MBD5: variants seen among roughly 807,000 people sequenced by gnomAD.
The protein encoded by MBD5 is methyl-CpG-binding domain protein 5.
MBD5 carries 13 observed loss-of-function variants against 117.3 expected under a neutral mutation model. That is an observed-to-expected ratio of 0.11 (90% CI 0.07 to 0.18). The LOEUF (loss-of-function observed/expected upper bound fraction) is 0.18. MBD5 is among the 10% of genes least tolerant of loss of function. The pLI is 1.00. For missense variants in MBD5, 1,879 were observed against 2,093.8 expected, an observed-to-expected ratio of 0.90 and a Z score of 2.00; for synonymous variants, 727 against 766.4, an observed-to-expected ratio of 0.95 and a Z score of 0.85.
At chr2:148,360,873 G>T (rs1703512271) in intron 4 of MBD5, among the ~76,000 whole-genome samples, 1 of 152,062 alleles carries the variant, frequency 6.6e-6, no homozygotes, top group Admixed American at 6.6e-5. Flanking sequence ...CAGTTAAAAT[G>T]CACATATAAT....
intron 1 of MBD5, among the ~76,000 whole-genome samples, chr2:148,105,007 A>G (rs1173575964): frequency 6.6e-6 from 1 of 152,140 alleles, no homozygotes; most frequent in African/African-American, 2.4e-5. Flanking sequence ...ATCTGTGGGT[A>G]GATATTTACT....
At chr2:148,443,238 G>T (rs1451349156) in intron 4 of MBD5, among the ~76,000 whole-genome samples, 1 of 151,016 alleles carries the variant, frequency 6.6e-6, no homozygotes, top group African/African-American at 2.5e-5. Context: ...CAAAAGTCAG[G>T]CAATGAATGC....
At chr2:148,158,767 T>G (rs988549840) in intron 1 of MBD5, among the ~76,000 whole-genome samples, 1 of 152,268 alleles carries the variant, frequency 6.6e-6, no homozygotes, top group African/African-American at 2.4e-5. Context: ...TCTGCCAGGC[T>G]GGAGTGCAGT....
At chr2:148,175,498 G>A (rs1332140625) in intron 1 of MBD5, among the ~76,000 whole-genome samples, 1 of 152,092 alleles carries the variant, frequency 6.6e-6, no homozygotes, top group African/African-American at 2.4e-5. Flanking sequence ...AGCTAAGTGG[G>A]GCTTAGTAAT....
At chr2:148,455,016 C>G (rs1706841505) in intron 4 of MBD5, among the ~76,000 whole-genome samples, 1 of 152,020 alleles carries the variant, frequency 6.6e-6, no homozygotes, top group African/African-American at 2.4e-5. Flanking sequence ...TGTTTGTATC[C>G]TCGCCTATTT....
At chr2:148,098,214 T>C (rs1696116636) in intron 1 of MBD5, among the ~76,000 whole-genome samples, 1 of 152,020 alleles carries the variant, frequency 6.6e-6, no homozygotes, top group African/African-American at 2.4e-5. Context: ...TAAGCAATGG[T>C]GGTGGCCTGT....
At chr2:148,419,082 T>C (rs952969376) in intron 4 of MBD5, among the ~76,000 whole-genome samples, 1 of 152,116 alleles carries the variant, frequency 6.6e-6, no homozygotes, top group Non-Finnish European at 1.5e-5. Context: ...ACCAAGTACT[T>C]ACAACCAATT....
At chr2:148,426,245 C>A (rs2105305416) in intron 4 of MBD5, among the ~76,000 whole-genome samples, 1 of 152,254 alleles carries the variant, frequency 6.6e-6, no homozygotes. Flanking sequence ...TTTATAGATT[C>A]AATGCCATCC....
chr2:148,478,442 G>C (rs540507476), intron 8 of MBD5, among the ~76,000 whole-genome samples: 24 of 152,124 alleles, frequency 1.6e-4, no homozygotes, highest in African/African-American at 5.3e-4. Flanking sequence ...AGTTAGCCGG[G>C]CGTGCCTCAG....
intron 4 of MBD5, among the ~76,000 whole-genome samples, chr2:148,451,719 C>T (rs1287764627): frequency 6.6e-6 from 1 of 152,014 alleles, no homozygotes; most frequent in East Asian, 1.9e-4. Flanking sequence ...GGAATATAAA[C>T]ATAAAGGCGG....
At chr2:148,109,644 C>T (rs374345962) in intron 1 of MBD5, among the ~76,000 whole-genome samples, 1 of 152,090 alleles carries the variant, frequency 6.6e-6, no homozygotes, top group African/African-American at 2.4e-5. Flanking sequence ...TATCCAAGCT[C>T]ATCAAATTGT....
chr2:148,150,829 A>G (rs1179667693), intron 1 of MBD5, among the ~76,000 whole-genome samples: 1 of 152,170 alleles, frequency 6.6e-6, no homozygotes, highest in African/African-American at 2.4e-5. Context: ...TATCAGCTTA[A>G]GGAGATTTTG....
At chr2:148,324,854 A>G (rs1196812273) in intron 3 of MBD5, among the ~76,000 whole-genome samples, 1 of 152,142 alleles carries the variant, frequency 6.6e-6, no homozygotes, top group African/African-American at 2.4e-5. Context: ...TGCCCTGGCC[A>G]GAACTTCCAA....
At chr2:148,039,828 G>T (rs1694304878) in intron 1 of MBD5, among the ~76,000 whole-genome samples, 2 of 131,520 alleles carry the variant, frequency 1.5e-5, no homozygotes, top group Admixed American at 1.6e-4. Context: ...AACCACAAGG[G>T]TACTGGCCAG....
intron 2 of MBD5, among the ~76,000 whole-genome samples, chr2:148,200,076 A>G (rs553860424): frequency 6.6e-6 from 1 of 152,248 alleles, no homozygotes; most frequent in African/African-American, 2.4e-5. Flanking sequence ...TTTTGACTAT[A>G]TTGATAGTTT....
intron 6 of MBD5, 94 bp from the exon 7 acceptor site, chr2:148,463,645 C>A: frequency 7.0e-7 from 1 of 1,427,888 alleles, no homozygotes; most frequent in Non-Finnish European, 9.8e-7. Flanking sequence ...AGATTTATGG[C>A]TTAATCTATG....
intron 1 of MBD5, among the ~76,000 whole-genome samples, chr2:148,162,431 C>G (rs1698028078): frequency 6.6e-6 from 1 of 152,176 alleles, no homozygotes; most frequent in East Asian, 1.9e-4. Flanking sequence ...CACATTTAGG[C>G]TGATGTTAAT....
At chr2:148,052,671 G>T (rs893354981) in intron 1 of MBD5, among the ~76,000 whole-genome samples, 2 of 151,602 alleles carry the variant, frequency 1.3e-5, no homozygotes, top group Non-Finnish European at 2.9e-5. Flanking sequence ...GATTATTTAG[G>T]AGTATGTTGT....
At chr2:148,162,524 A>G (rs756308690) in intron 1 of MBD5, among the ~76,000 whole-genome samples, 28 of 152,198 alleles carry the variant, frequency 1.8e-4, no homozygotes, top group East Asian at 3.8e-4. Flanking sequence ...GTTTGAATTT[A>G]TTTGAGATTT....
Sources: allele counts gnomAD v4.1 joint callset (sites outside exome capture counted in the v4.1 genomes callset), GRCh38; gene constraint gnomAD v4.1.1; transcripts MANE v1.5; gene names NCBI Gene and HGNC (gene_info 2026-07-23, HGNC 2026-07-21).